Variants in ASTN2 observed in about 807,000 individuals in gnomAD.
The protein encoded by ASTN2 is astrotactin-2.
In ASTN2, 54 loss-of-function variants were observed where a neutral mutation model predicts 139.8. The observed-to-expected ratio is 0.39, with a 90% CI of 0.31 to 0.48. The LOEUF (loss-of-function observed/expected upper bound fraction) is 0.48, where lower values mean the gene tolerates loss of function less well. ASTN2 is among the 20% of genes least tolerant of loss of function. The pLI is 0.95. For synonymous variants in ASTN2, 756 were observed against 719.5 expected, an observed-to-expected ratio of 1.05 and a Z score of -0.81; for missense variants, 1,565 against 1,725.1, an observed-to-expected ratio of 0.91 and a Z score of 1.64.
At chr9:117,214,234 C>T (rs1230598259) in intron 3 of ASTN2, 124 bp downstream of exon 3, 2 of 1,202,106 alleles carry the variant, frequency 1.7e-6, no homozygotes, top group African/African-American at 3.0e-5. Flanking sequence ...AATCTAAAGC[C>T]ATAAATCCAA....
chr9:117,319,311 T>C (rs1421840479), intron 1 of ASTN2, among the ~76,000 whole-genome samples: 2 of 152,202 alleles, frequency 1.3e-5, no homozygotes, highest in Middle Eastern at 3.2e-3. Context: ...GAAATAATAG[T>C]AATAAAACCT....
chr9:117,097,009 G>A (rs1375128872), intron 4 of ASTN2, among the ~76,000 whole-genome samples: 4 of 152,164 alleles, frequency 2.6e-5, no homozygotes, highest in African/African-American at 9.7e-5. Flanking sequence ...TTCATGGAAG[G>A]TTCTGGAGCA....
At chr9:117,053,365 T>C (rs1838968715) in intron 5 of ASTN2, among the ~76,000 whole-genome samples, 1 of 152,048 alleles carries the variant, frequency 6.6e-6, no homozygotes, top group South Asian at 2.1e-4. Flanking sequence ...GGTAGGAAGA[T>C]CGCTTGAGCC....
intron 10 of ASTN2, among the ~76,000 whole-genome samples, chr9:116,927,166 G>T (rs1297096434): frequency 6.6e-6 from 1 of 152,162 alleles, no homozygotes. Flanking sequence ...ATGTGGCAGG[G>T]TATCTCTGTT....
At chr9:117,190,982 G>C (rs1384907643) in intron 3 of ASTN2, among the ~76,000 whole-genome samples, 1 of 151,968 alleles carries the variant, frequency 6.6e-6, no homozygotes, top group Admixed American at 6.6e-5. Flanking sequence ...ACACACAGTA[G>C]GTACTTAATT....
chr9:116,941,907 G>T (rs1835241577), intron 10 of ASTN2, among the ~76,000 whole-genome samples: 1 of 151,492 alleles, frequency 6.6e-6, no homozygotes, highest in Admixed American at 6.6e-5. Context: ...TGAGCAGAGA[G>T]GTAGGAAGAA....
chr9:116,558,911 A>G (rs1852767409), intron 19 of ASTN2, among the ~76,000 whole-genome samples: 2 of 152,212 alleles, frequency 1.3e-5, no homozygotes, highest in South Asian at 4.1e-4. Context: ...TACTTAAGAA[A>G]TGCTCATTCT....
chr9:116,967,086 G>A, intron 10 of ASTN2, among the ~76,000 whole-genome samples: 1 of 152,160 alleles, frequency 6.6e-6, no homozygotes, highest in East Asian at 1.9e-4. Flanking sequence ...TCACTGAGTT[G>A]TTGTGAGGAG....
At chr9:117,082,827 A>T (rs993175105) in intron 5 of ASTN2, among the ~76,000 whole-genome samples, 9 of 152,138 alleles carry the variant, frequency 5.9e-5, no homozygotes, top group Middle Eastern at 3.4e-3. Flanking sequence ...CAAACAAAAA[A>T]CACCCTTCAT....
intron 2 of ASTN2, among the ~76,000 whole-genome samples, chr9:117,218,084 C>G (rs558783487): frequency 6.6e-6 from 1 of 152,266 alleles, no homozygotes; most frequent in Non-Finnish European, 1.5e-5. Flanking sequence ...CAAAAGCCTA[C>G]TTAGCCCCTG....
At chr9:116,500,141 C>T (rs552243269) in intron 19 of ASTN2, among the ~76,000 whole-genome samples, 1 of 152,198 alleles carries the variant, frequency 6.6e-6, no homozygotes, top group Non-Finnish European at 1.5e-5. Flanking sequence ...GCCACCCACA[C>T]TGGTTACCCA....
chr9:117,359,421 A>G (rs1284678625), intron 1 of ASTN2, among the ~76,000 whole-genome samples: 1 of 152,254 alleles, frequency 6.6e-6, no homozygotes, highest in African/African-American at 2.4e-5. Flanking sequence ...GGCTCAAGAA[A>G]GGCAAAAGCT....
At chr9:116,855,266 G>C (rs1221821329) in intron 11 of ASTN2, among the ~76,000 whole-genome samples, 2 of 152,084 alleles carry the variant, frequency 1.3e-5, no homozygotes, top group South Asian at 4.1e-4. Flanking sequence ...CACCCAGCCT[G>C]CTCCAAATTC....
chr9:116,929,749 C>T (rs1834848983), intron 10 of ASTN2, among the ~76,000 whole-genome samples: 1 of 152,166 alleles, frequency 6.6e-6, no homozygotes, highest in African/African-American at 2.4e-5. Flanking sequence ...TCACATTAAA[C>T]CTATACTGTT....
intron 1 of ASTN2, among the ~76,000 whole-genome samples, chr9:117,307,896 A>T (rs1044303862): frequency 6.6e-6 from 1 of 152,188 alleles, no homozygotes; most frequent in Non-Finnish European, 1.5e-5. Context: ...CGGTCTCCTG[A>T]AAGCCTGTTT....
chr9:117,351,502 A>G (rs1473805669), intron 1 of ASTN2, among the ~76,000 whole-genome samples: 1 of 152,164 alleles, frequency 6.6e-6, no homozygotes, highest in Non-Finnish European at 1.5e-5. Context: ...CTACCATTCA[A>G]TACTTCATGC....
chr9:116,499,654 G>C (rs1849790050), intron 19 of ASTN2, among the ~76,000 whole-genome samples: 1 of 152,134 alleles, frequency 6.6e-6, no homozygotes, highest in African/African-American at 2.4e-5. Flanking sequence ...GGCTTATGCA[G>C]AACAAGTGAG....
At chr9:116,779,497 AGATAT>A (rs1564262619) in intron 13 of ASTN2, among the ~76,000 whole-genome samples, 1 of 38,746 alleles carries the variant, frequency 2.6e-5, no homozygotes, top group Non-Finnish European at 7.9e-5. Flanking sequence ...ACCCAGTCTC[AGATAT>A]TTTTTTTTTT....
chr9:116,545,206 C>G (rs1476333202), intron 19 of ASTN2, among the ~76,000 whole-genome samples: 1 of 152,152 alleles, frequency 6.6e-6, no homozygotes, highest in Non-Finnish European at 1.5e-5. Context: ...TGGCTTGCCT[C>G]AAGAAAATAG....
Sources: gnomAD v4.1 joint callset for allele counts (sites outside exome capture counted in the v4.1 genomes callset) on GRCh38, gnomAD v4.1.1 for gene constraint, MANE v1.5 for transcripts, NCBI Gene and HGNC (gene_info 2026-07-23, HGNC 2026-07-21) for gene names.